The following FREM2 variants were observed in gnomAD, a reference collection of about 807,000 sequenced individuals.
FREM2 encodes the protein FRAS1 related extracellular matrix 2, also known as FRAS1-related extracellular matrix protein 2.
In FREM2, 119 loss-of-function variants were observed where a neutral mutation model predicts 219.9. That is an observed-to-expected ratio of 0.54 (90% CI 0.47 to 0.63). The LOEUF (loss-of-function observed/expected upper bound fraction) is 0.63. Ranked by LOEUF, FREM2 falls within the 30% of genes least tolerant of loss-of-function variation. The pLI is 0.00. For missense variants in FREM2, 4,030 were observed against 3,993.6 expected, an observed-to-expected ratio of 1.01 and a Z score of -0.25; for synonymous variants, 1,562 against 1,522.8, an observed-to-expected ratio of 1.03 and a Z score of -0.60.
chr13:38,848,352 T>C (rs1051362318), intron 7 of FREM2, 109 bp from the exon 8 acceptor site: 1 of 817,224 alleles, frequency 1.2e-6, no homozygotes, highest in African/African-American at 1.7e-5. Context: ...GTTATGCTGG[T>C]CTCTATTTTT....
chr13:38,829,752 T>C (rs1016869897), intron 6 of FREM2, among the ~76,000 whole-genome samples: 1 of 151,864 alleles, frequency 6.6e-6, no homozygotes, highest in African/African-American at 2.4e-5. Flanking sequence ...AATTAATTTG[T>C]TTATTCAAAT....
chr13:38,878,837 G>A lies in FREM2; in HGVS notation c.8866G>A (p.Ala2956Thr), dbSNP rs1429706177. The change falls in exon 23 of 24, where the codon GCT becomes ACT. Residue 2956 changes from alanine to threonine, a missense_variant. Transcript: ENST00000280481. ...CTTTCCTTACTGCTTAAAGGACAAA[G>A]CTCAGCCAGAGACACAAGCGACCAG... ...LLYRFKIVDKAQPETQATSFG... is the reference protein window; with the variant it reads ...LLYRFKIVDKTQPETQATSFG... The A allele has an allele frequency of 6.8e-6, 11 of 1,614,046 alleles. No homozygotes were observed. The highest frequency in any genetic ancestry group is 1.3e-5 in the African/African-American group (1 of 74,934).
rs1878588147 is a variant in FREM2, at chr13:38,882,642, T to C, written c.*1855T>C. 1 of 152,034 alleles carries C rather than the reference T, an allele frequency of 6.6e-6. No individual in the cohort carries two copies. Among genetic ancestry groups the C allele is most frequent in the Non-Finnish European group, 1.5e-5 (1 of 67,996 alleles). 9.4% of individuals were successfully genotyped at this position (152,034 alleles called of 1,614,324 possible). On this transcript the variant is annotated 3_prime_UTR_variant, in exon 24 of 24. Coordinates refer to ENST00000280481, the MANE Select transcript of FREM2 (RefSeq NM_207361.6). ...CAGAAAGTACTGTGTAGCCCAGGAG[T>C]TTATTTAGCAAGATAAATAGTGGTA...
intron 2 of FREM2, among the ~76,000 whole-genome samples, chr13:38,756,742 G>T (rs1873020493): frequency 6.6e-6 from 1 of 151,700 alleles, no homozygotes; most frequent in African/African-American, 2.4e-5. Flanking sequence ...GTTTCACCAT[G>T]TTGGCCACGC....
intron 6 of FREM2, among the ~76,000 whole-genome samples, chr13:38,787,003 A>G (rs968131890): frequency 6.6e-6 from 1 of 152,194 alleles, no homozygotes; most frequent in Non-Finnish European, 1.5e-5. Flanking sequence ...AACCATTGGT[A>G]TGGTCCTATC....
At chr13:38,805,479 A>G (rs1326072700) in intron 6 of FREM2, among the ~76,000 whole-genome samples, 3 of 152,022 alleles carry the variant, frequency 2.0e-5, no homozygotes, top group Admixed American at 1.3e-4. Context: ...ATACTAAGAT[A>G]GAGCTACCTG....
intron 2 of FREM2, among the ~76,000 whole-genome samples, chr13:38,726,326 A>G (rs1871523468): frequency 6.6e-6 from 1 of 152,134 alleles, no homozygotes; most frequent in Non-Finnish European, 1.5e-5. Context: ...TCAGAGCCAG[A>G]TAGAGGAGGT....
rs78258671 is a variant in FREM2, at chr13:38,722,745, G to GTTTT, written c.5263+24970_5263+24973dup. Reference sequence around the variant, plus strand: ...TCAAGCAGAGGGTGTAGCTGGTAACGTTTTTTTTTTTTTTTCATCCTACTG... The same window carrying GTTTT: ...TCAAGCAGAGGGTGTAGCTGGTAACGTTTTTTTTTTTTTTTTTTTCATCCTACTG... On this transcript the variant is annotated intron_variant, in intron 2 of 23. Coordinates refer to ENST00000280481, the MANE Select transcript of FREM2 (RefSeq NM_207361.6). Among the ~76,000 whole-genome samples the GTTTT allele has an allele frequency of 1.4e-3, 200 of 140,062 alleles. 4 individuals are homozygous for GTTTT. Among genetic ancestry groups the GTTTT allele is most frequent in the Middle Eastern group, 7.5e-3 (2 of 266 alleles). The allele number at this position is 140,062 out of a possible 152,430, so 91.9% of individuals were successfully genotyped here.
At chr13:38,759,363 G>A (rs577423271) in intron 2 of FREM2, among the ~76,000 whole-genome samples, 3 of 149,434 alleles carry the variant, frequency 2.0e-5, no homozygotes, top group Non-Finnish European at 4.5e-5. Context: ...TCATATTATT[G>A]AAGATTAAAT....
chr13:38,846,769 A>T (rs371098313), intron 7 of FREM2, 47 bp downstream of exon 7: 5 of 1,599,840 alleles, frequency 3.1e-6, no homozygotes, highest in Non-Finnish European at 4.3e-6. Flanking sequence ...GCAATTTTCA[A>T]TGACCATGGC....
At chr13:38,698,337 T>C (rs1381252282) in intron 2 of FREM2, among the ~76,000 whole-genome samples, 1 of 152,172 alleles carries the variant, frequency 6.6e-6, no homozygotes, top group Non-Finnish European at 1.5e-5. Context: ...TGTGACCTAG[T>C]CCAGCTAAAA....
chr13:38,801,388 G>A (rs1875001166), intron 6 of FREM2, among the ~76,000 whole-genome samples: 1 of 152,058 alleles, frequency 6.6e-6, no homozygotes, highest in East Asian at 1.9e-4. Flanking sequence ...CTTATTTGAA[G>A]ATTTCTTTCC....
rs1877670625 is a variant in FREM2, at chr13:38,859,300, A to C, written c.7229A>C (p.Lys2410Thr). The part of the protein sequence containing the change: ...PVICITACNP[K>T]YSDYDKTGSI... ...TGTTTTCCGTAGGCTTGCAACCCCA[A>C]ATATTCAGACTACGATAAAACAGGC... is the stretch of plus-strand genomic sequence containing the variant. Residue 2410 changes from lysine to threonine, a missense_variant, in exon 14 of 24, where the codon AAA (lysine) becomes ACA (threonine). Physicochemically the swap from Lys to Thr is moderately conservative, Grantham distance 78. Around this residue, in one of 2 missense-constraint regions of FREM2, gnomAD observed 928 missense variants for 1,042.9 expected, o/e 0.89. Transcript: ENST00000280481. 1.1e-5 allele frequency: 17 copies of C among 1,614,078 alleles called. No individual in the cohort carries two copies. The highest frequency in any genetic ancestry group is 1.4e-5 in the Non-Finnish European group (17 of 1,180,024).
At chr13:38,845,933 T>C (rs183737689) in intron 6 of FREM2, among the ~76,000 whole-genome samples, 3 of 152,326 alleles carry the variant, frequency 2.0e-5, no homozygotes, top group East Asian at 3.9e-4. Context: ...AATATTAACC[T>C]CTTCATATGA....
chr13:38,841,808 G>A (rs956966901), intron 6 of FREM2, among the ~76,000 whole-genome samples: 1 of 152,064 alleles, frequency 6.6e-6, no homozygotes, highest in Non-Finnish European at 1.5e-5. Flanking sequence ...CTACTTTGAT[G>A]TTAATTCATT....
chr13:38,843,542 C>T (rs886590197), intron 6 of FREM2, among the ~76,000 whole-genome samples: 1 of 151,868 alleles, frequency 6.6e-6, no homozygotes, highest in Non-Finnish European at 1.5e-5. Context: ...TGCATAGATA[C>T]CTTTCAAAGG....
intron 3 of FREM2, among the ~76,000 whole-genome samples, chr13:38,764,698 A>G (rs1873366607): frequency 6.6e-6 from 1 of 152,222 alleles, no homozygotes; most frequent in African/African-American, 2.4e-5. Flanking sequence ...CGAAACAAAA[A>G]TAAATGTCAC....
intron 4 of FREM2, among the ~76,000 whole-genome samples, chr13:38,774,975 TC>T (rs1246114174): frequency 6.6e-6 from 1 of 152,192 alleles, no homozygotes; most frequent in Non-Finnish European, 1.5e-5. Context: ...ATATTTGATC[TC>T]TGTAATCATT....
At chr13:38,714,499 TTAGA>T (rs1870902186) in intron 2 of FREM2, among the ~76,000 whole-genome samples, 1 of 152,128 alleles carries the variant, frequency 6.6e-6, no homozygotes, top group Non-Finnish European at 1.5e-5. Flanking sequence ...ATACAAAATT[TTAGA>T]TAAGAAGGTA....
Sources: allele counts gnomAD v4.1 joint callset (sites outside exome capture counted in the v4.1 genomes callset), GRCh38; gene constraint gnomAD v4.1.1; regional missense constraint gnomAD v4.1.1; transcripts MANE v1.5; gene names NCBI Gene and HGNC (gene_info 2026-07-23, HGNC 2026-07-21).